The following ANKRD11 variants were observed in gnomAD, a reference collection of about 807,000 sequenced individuals.
ANKRD11 encodes the protein ankyrin repeat domain-containing protein 11.
In ANKRD11, 17 loss-of-function variants were observed where a neutral mutation model predicts 195.7. The ratio of observed to expected loss-of-function variants is 0.09; its 90% CI spans 0.06 to 0.13. ANKRD11 has a LOEUF of 0.13. Ranked by LOEUF, ANKRD11 falls within the 10% of genes least tolerant of loss-of-function variation. ANKRD11 has a pLI of 1.00. For synonymous variants in ANKRD11, 1,953 were observed against 1,528.1 expected, an observed-to-expected ratio of 1.28 and a Z score of -6.49; for missense variants, 3,735 against 3,566.1, an observed-to-expected ratio of 1.05 and a Z score of -1.21.
Position 89,300,743 on chromosome 16 carries a change from C to T in ANKRD11, c.226+4463G>A, listed in dbSNP as rs1002117211. ...GACTGAAGGTGCCAAGCACCTAACG[C>T]TGAAGGAACCAGCATGTGCCTGGCA... is the stretch of plus-strand genomic sequence containing the variant. On this transcript the variant is annotated intron_variant, in intron 4 of 12. Transcript: ENST00000301030. 6.8e-6 allele frequency: 4 copies of T among 584,478 alleles called. No individual in the cohort carries two copies. In the African/African-American group the frequency reaches 7.6e-5, roughly 11 times the overall value. 36.2% of individuals were successfully genotyped at this position (584,478 alleles called of 1,614,324 possible). A position where few individuals can be genotyped will look rare whatever the true frequency, so the allele number is the denominator to read the frequency against.
chr16:89,325,193 T>A (rs1169803961), intron 2 of ANKRD11: 2 of 152,058 alleles, frequency 1.3e-5, no homozygotes, highest in Non-Finnish European at 2.9e-5. Flanking sequence ...GATGTGAGGG[T>A]GGAACACTAC....
At chr16:89,456,249 AG>A (rs1326478462) in intron 1 of ANKRD11, among the ~76,000 whole-genome samples, 1 of 149,674 alleles carries the variant, frequency 6.7e-6, no homozygotes, top group African/African-American at 2.5e-5. Context: ...CAAAAAAAAA[AG>A]GGGGGGTGGA....
rs762710349 is a variant in ANKRD11, at chr16:89,286,168, G to A, written c.763C>T (p.Arg255Trp). The change falls in exon 8 of 13, where the codon CGG becomes TGG. Residue 255 changes from arginine (R) to tryptophan (W), a missense_variant. Transcript: ENST00000301030. Reference sequence around the variant, plus strand: ...CTCTGCTGCGGGTTCCCTCCGTACCGCAGCAGCAGCTTCACCACCTACAAG... The same window carrying A: ...CTCTGCTGCGGGTTCCCTCCGTACCACAGCAGCAGCTTCACCACCTACAAG... ...GHYKVVKLLLRYGGNPQQSNR... is the reference protein window; with the variant it reads ...GHYKVVKLLLWYGGNPQQSNR... 1.7e-5 allele frequency: 28 copies of A among 1,613,624 alleles called. No individual in the cohort carries two copies. The South Asian group carries it at 2.0e-4, about 11-fold the overall frequency.
intron 2 of ANKRD11, among the ~76,000 whole-genome samples, chr16:89,369,808 T>C (rs1381119280): frequency 6.6e-6 from 1 of 152,186 alleles, no homozygotes; most frequent in Non-Finnish European, 1.5e-5. Context: ...CTAGGGGTGA[T>C]ACTGTTCAGT....
rs143009624 is a variant in ANKRD11 at position 89,442,708 on chromosome 16, C to G, written c.-144-24340G>C. On this transcript the variant is annotated intron_variant, in intron 1 of 12. Transcript: ENST00000301030. Reference sequence around the variant, plus strand: ...TAGTCCTTTCCTCCCCACCACCCACCAGGAATGTTGCTGGAACCCAGACAC... The same window carrying G: ...TAGTCCTTTCCTCCCCACCACCCACGAGGAATGTTGCTGGAACCCAGACAC... Among the ~76,000 whole-genome samples the G allele has an allele frequency of 5.3e-4, 80 of 152,324 alleles. No individual in the cohort carries two copies. The East Asian group carries it at 9.6e-3, about 18-fold the overall frequency.
At chr16:89,428,322 G>C (rs190957390) in intron 1 of ANKRD11, among the ~76,000 whole-genome samples, 12 of 152,064 alleles carry the variant, frequency 7.9e-5, no homozygotes, top group African/African-American at 2.9e-4. Flanking sequence ...TCAGGAGATC[G>C]AGACCATCCT....
chr16:89,272,140 A>G (rs1424431729), intron 11 of ANKRD11: 1 of 152,246 alleles, frequency 6.6e-6, no homozygotes, highest in Non-Finnish European at 1.5e-5. Context: ...GCATCTGAAG[A>G]GGAGCTCAAC....
Position 89,402,384 on chromosome 16 carries a change from G to A in ANKRD11, c.-60+15900C>T, listed in dbSNP as rs369118287. On this transcript the variant is annotated intron_variant, in intron 2 of 12. Transcript: ENST00000301030. The stretch of plus-strand genomic sequence containing the variant: ...CTGGGATTGAGCGCTTATTTAAATC[G>A]GTAGGCACATCAATTTAAATTTAGG... Among the ~76,000 whole-genome samples the A allele has an allele frequency of 1.1e-4, 16 of 152,142 alleles. No individual in the cohort carries two copies. The South Asian group carries it at 1.5e-3, about 14-fold the overall frequency.
Position 89,280,246 on chromosome 16 carries a change from T to C in ANKRD11, c.6296A>G (p.Glu2099Gly), listed in dbSNP as rs2034076374. 1 of 1,608,472 alleles carries C rather than the reference T, an allele frequency of 6.2e-7. No individual in the cohort carries two copies. The highest frequency in any genetic ancestry group is 1.1e-5 in the South Asian group (1 of 91,026). Reference sequence around the variant, plus strand: ...GCGGCTGCCGTCCAGGAAGCTATTTTCCAGGGGCCCCAGAGCCTCCACCTG... The same window carrying C: ...GCGGCTGCCGTCCAGGAAGCTATTTCCCAGGGGCCCCAGAGCCTCCACCTG... Reference protein sequence around the residue: ...VAQVEALGPLENSFLDGSRGL... With the variant: ...VAQVEALGPLGNSFLDGSRGL... The change falls in exon 9 of 13, where the codon GAA becomes GGA. Residue 2099 changes from glutamate to glycine, a missense_variant. Physicochemically the swap from Glu to Gly is moderately conservative, Grantham distance 98. Transcript: ENST00000301030.
intron 1 of ANKRD11, among the ~76,000 whole-genome samples, chr16:89,476,897 C>T (rs535760823): frequency 1.3e-5 from 2 of 152,204 alleles, no homozygotes; most frequent in South Asian, 4.2e-4. Context: ...CACAGTATCG[C>T]GTAACACACA....
intron 1 of ANKRD11, among the ~76,000 whole-genome samples, chr16:89,465,734 G>A (rs1475910826): frequency 2.0e-5 from 3 of 152,088 alleles, no homozygotes; most frequent in African/African-American, 7.2e-5. Flanking sequence ...AGACGGAGTC[G>A]GAGTCTCGCT....
chr16:89,442,064 A>G (rs1451032356), intron 1 of ANKRD11, among the ~76,000 whole-genome samples: 2 of 152,252 alleles, frequency 1.3e-5, no homozygotes, highest in African/African-American at 4.8e-5. Flanking sequence ...TTTAAAAAGT[A>G]ATAAACATGA....
At chr16:89,357,165 C>G (rs144806382) in intron 2 of ANKRD11, among the ~76,000 whole-genome samples, 1 of 152,164 alleles carries the variant, frequency 6.6e-6, no homozygotes, top group East Asian at 1.9e-4. Context: ...GAGGTAGGCT[C>G]GGCCAGAGCT....
intron 2 of ANKRD11, among the ~76,000 whole-genome samples, chr16:89,391,010 C>T (rs1046348810): frequency 3.9e-5 from 6 of 152,000 alleles, no homozygotes; most frequent in East Asian, 1.9e-4. Flanking sequence ...GGGTGGATCA[C>T]GAGGTCAGGA....
intron 6 of ANKRD11, among the ~76,000 whole-genome samples, chr16:89,289,924 G>A (rs1001769701): frequency 5.3e-5 from 8 of 152,288 alleles, no homozygotes; most frequent in African/African-American, 1.9e-4. Flanking sequence ...CCTGCACCCG[G>A]AAGGCTGAGT....
chr16:89,379,705 C>G (rs1214094510), intron 2 of ANKRD11, among the ~76,000 whole-genome samples: 1 of 152,192 alleles, frequency 6.6e-6, no homozygotes, highest in Admixed American at 6.5e-5. Context: ...GGAAGAGCTC[C>G]GTGCAGTGCA....
intron 1 of ANKRD11, among the ~76,000 whole-genome samples, chr16:89,427,199 T>G (rs1476180998): frequency 6.6e-6 from 1 of 152,178 alleles, no homozygotes; most frequent in East Asian, 1.9e-4. Flanking sequence ...TAGCAACAAA[T>G]TTAACCAAAG....
intron 1 of ANKRD11, 92 bp from the exon 2 acceptor site, chr16:89,418,460 G>C (rs190035104): frequency 5.5e-6 from 2 of 361,074 alleles, no homozygotes; most frequent in South Asian, 4.1e-5. Context: ...GGTCCACACG[G>C]TTTATTCCAT....
intron 2 of ANKRD11, among the ~76,000 whole-genome samples, chr16:89,384,549 T>C (rs182757096): frequency 2.1e-5 from 3 of 142,088 alleles, no homozygotes; most frequent in East Asian, 4.1e-4. Flanking sequence ...TGGGATGGGA[T>C]GGGATGGGAA....
Sources: gnomAD v4.1 joint callset for allele counts (sites outside exome capture counted in the v4.1 genomes callset) on GRCh38, gnomAD v4.1.1 for gene constraint, MANE v1.5 for transcripts, NCBI Gene and HGNC (gene_info 2026-07-23, HGNC 2026-07-21) for gene names.